DNMT3A: variants seen among roughly 807,000 people sequenced by gnomAD.
The protein encoded by DNMT3A is DNA (cytosine-5)-methyltransferase 3A.
A neutral mutation model predicts 117.6 loss-of-function variants in DNMT3A; 267 were observed. That is an observed-to-expected ratio of 2.27 (90% confidence interval 2.05 to 2.51). DNMT3A has a LOEUF of 2.51. DNMT3A is among the 30% of genes most tolerant of loss of function. The pLI, the probability that DNMT3A is intolerant of heterozygous loss-of-function variation, is 0.00. For missense variants in DNMT3A, 1,029 were observed against 1,260.2 expected (o/e 0.82, Z 2.78); for synonymous variants, 432 against 474.8 (o/e 0.91, Z 1.17).
intron 1 of DNMT3A, among the ~76,000 whole-genome samples, chr2:25,325,669 C>T (rs2034759147): frequency 6.6e-6 from 1 of 152,150 alleles, no homozygotes; most frequent in South Asian, 2.1e-4. Flanking sequence ...TTGGCTTTCT[C>T]GAACTCCTTA....
In DNMT3A at chr2:25,266,924, T is replaced by C. The variant is rs1573388162; in HGVS notation, c.639+8017A>G. Among the ~76,000 whole-genome samples the C allele has an allele frequency of 3.9e-5, 6 of 152,330 alleles. No individual in the cohort carries two copies. In the South Asian group the frequency reaches 1.2e-3, roughly 32 times the overall value. ...CTAGGCCTTTTTCTTTCTAGGTATC[T>C]GTCTTAGAGAAACAGATGCACAAAG... On this transcript the variant is annotated intron_variant, in intron 6 of 22. Transcript: ENST00000321117.
intron 19 of DNMT3A, 22 bp from the exon 20 acceptor site, chr2:25,239,237 G>T: frequency 6.2e-7 from 1 of 1,610,508 alleles, no homozygotes. Context: ...GAGACGGTTT[G>T]AAGATGAGCC....
chr2:25,242,049 A>AC, intron 16 of DNMT3A: 1 of 299,970 alleles, frequency 3.3e-6, no homozygotes, highest in South Asian at 4.1e-5. Flanking sequence ...GTCCTTCCAT[A>AC]CCCTCTTATC....
chr2:25,274,823 A>C, intron 6 of DNMT3A, 118 bp downstream of exon 6: 1 of 1,425,386 alleles, frequency 7.0e-7, no homozygotes, highest in African/African-American at 1.4e-5. Flanking sequence ...TCATGACTAG[A>C]GATTAAGAGG....
intron 18 of DNMT3A, 74 bp downstream of exon 18, chr2:25,240,566 C>T (rs1673890124): frequency 1.2e-6 from 2 of 1,600,516 alleles, no homozygotes; most frequent in Admixed American, 3.4e-5. Context: ...TGTCCCAGGG[C>T]AGAAATATCC....
intron 1 of DNMT3A, among the ~76,000 whole-genome samples, chr2:25,316,506 C>T (rs1342311741): frequency 2.0e-5 from 3 of 152,222 alleles, no homozygotes; most frequent in Non-Finnish European, 2.9e-5. Flanking sequence ...CACCTAAAAT[C>T]CTCCAGTATG....
chr2:25,247,503 A>G lies in DNMT3A; in HGVS notation c.1014+88T>C. 6.4e-7 allele frequency: 1 copy of G among 1,555,132 alleles called. No homozygotes were observed. Among genetic ancestry groups the G allele is most frequent in the South Asian group, 1.2e-5 (1 of 82,318 alleles). ...GAGCAGAACCCACTTCCATCACCCCAATTCCAGACTGCCCCCAGCCAAAAC... is the reference window on the plus strand; with the variant it reads ...GAGCAGAACCCACTTCCATCACCCCGATTCCAGACTGCCCCCAGCCAAAAC... On this transcript the variant is annotated intron_variant, in intron 8 of 22. Transcript: ENST00000321117. The surrounding 1 kb of genome is among the most constrained non-coding windows in gnomAD (Gnocchi z 5.6).
chr2:25,284,527 A>T (rs773919101), intron 3 of DNMT3A, among the ~76,000 whole-genome samples: 1 of 151,692 alleles, frequency 6.6e-6, no homozygotes, highest in Non-Finnish European at 1.5e-5. Flanking sequence ...CATGCCTGTC[A>T]TCTCAGCTAT....
intron 6 of DNMT3A, among the ~76,000 whole-genome samples, chr2:25,271,381 A>AT (rs1341714204): frequency 6.6e-6 from 1 of 152,166 alleles, no homozygotes; most frequent in Non-Finnish European, 1.5e-5. Context: ...AACAGGCCTG[A>AT]TAGCAACAGC....
chr2:25,238,892 AAG>A (rs1284421220), intron 20 of DNMT3A, among the ~76,000 whole-genome samples: 2 of 152,228 alleles, frequency 1.3e-5, no homozygotes, highest in Non-Finnish European at 2.9e-5. Flanking sequence ...CTTTGGTATA[AAG>A]AGAGTACTTT....
intron 3 of DNMT3A, among the ~76,000 whole-genome samples, chr2:25,297,359 C>A (rs1207719587): frequency 6.6e-6 from 1 of 152,152 alleles, no homozygotes; most frequent in East Asian, 1.9e-4. Flanking sequence ...TAGAACACAT[C>A]CAGACCACGA....
chr2:25,229,467 T>C lies in DNMT3A; in HGVS notation c.*4812A>G, dbSNP rs1672788486. On this transcript the variant is annotated 3_prime_UTR_variant, in exon 23 of 23. Coordinates refer to ENST00000321117, the MANE Select transcript of DNMT3A (RefSeq NM_022552.5). ...AGAGGACAACTCCAGGGTCGCTCTCTAGTCTCCAGCACTGAGAGCAGGCAG... is the reference window on the plus strand; with the variant it reads ...AGAGGACAACTCCAGGGTCGCTCTCCAGTCTCCAGCACTGAGAGCAGGCAG... The C allele has an allele frequency of 6.6e-6, 1 of 152,262 alleles. No homozygotes were observed. The highest frequency in any genetic ancestry group is 1.5e-5 in the Non-Finnish European group (1 of 68,060). 9.4% of individuals were successfully genotyped at this position (152,262 alleles called of 1,614,324 possible). A position where few individuals can be genotyped will look rare whatever the true frequency, so the allele number is the denominator to read the frequency against.
rs1257975054 is a variant in DNMT3A at position 25,339,969 on chromosome 2, G to A, written c.-178+1857C>T. Among the ~76,000 whole-genome samples, 1 of 152,256 alleles carries A rather than the reference G, an allele frequency of 6.6e-6. No individual in the cohort carries two copies. Among genetic ancestry groups the A allele is most frequent in the African/African-American group, 2.4e-5 (1 of 41,468 alleles). ...GGCGGGTTCAGCCGCTGGCAGCCTA[G>A]GGTGAAACATGAAGACTGAGCAGGC... On this transcript the variant is annotated intron_variant, in intron 1 of 22. Coordinates refer to ENST00000321117, the MANE Select transcript of DNMT3A (RefSeq NM_022552.5). The surrounding 1 kb of genome is among the most constrained non-coding windows in gnomAD (Gnocchi z 4.9).
At position 25,247,933 on chromosome 2, in the gene DNMT3A, G is replaced by A; in HGVS notation, c.855+104C>T. 4 of 1,547,784 alleles carry A rather than the reference G, an allele frequency of 2.6e-6. No homozygotes were observed. The highest frequency in any genetic ancestry group is 3.5e-6 in the Non-Finnish European group (4 of 1,144,454). On this transcript the variant is annotated intron_variant, in intron 7 of 22. Coordinates refer to ENST00000321117, the MANE Select transcript of DNMT3A (RefSeq NM_022552.5). The surrounding 1 kb of genome is among the most constrained non-coding windows in gnomAD (Gnocchi z 5.6). ...AGAGGCCCGGGGTCAGGTGGAGAGA[G>A]CGAGCGGCCCGTGGGAGATGGAGAG... is the stretch of plus-strand genomic sequence containing the variant.
intron 19 of DNMT3A, among the ~76,000 whole-genome samples, chr2:25,239,826 G>A (rs527478615): frequency 2.6e-5 from 4 of 152,328 alleles, no homozygotes; most frequent in African/African-American, 4.8e-5. Context: ...CTCTGCACGC[G>A]GCTCAGACTT....
Position 25,281,373 on chromosome 2 carries a change from G to T in DNMT3A, c.448+1068C>A. On this transcript the variant is annotated intron_variant, in intron 4 of 22. Coordinates refer to ENST00000321117, the MANE Select transcript of DNMT3A (RefSeq NM_022552.5). This position sits in a 1 kb window ranked among gnomAD's most constrained non-coding sequence, Gnocchi z 4.8. ...AGGAGTAAATAAAACAACTAATACA[G>T]ATTCCCTCTGTAGTGTTCTGCACAT... The T allele has an allele frequency of 1.1e-6, 1 of 917,826 alleles. No individual in the cohort carries two copies. The highest frequency in any genetic ancestry group is 1.3e-6 in the Non-Finnish European group (1 of 758,298). 56.9% of individuals were successfully genotyped at this position (917,826 alleles called of 1,614,324 possible).
At chr2:25,275,414 A>ACCCC in intron 5 of DNMT3A, 86 bp downstream of exon 5, 1 of 710,722 alleles carries the variant, frequency 1.4e-6, no homozygotes, top group South Asian at 2.0e-5. Flanking sequence ...GGAGGGGCCC[A>ACCCC]CCCTCCGCCC....
chr2:25,272,803 C>CTTTTTT (rs1217338234), intron 6 of DNMT3A, among the ~76,000 whole-genome samples: 1 of 130,698 alleles, frequency 7.7e-6, no homozygotes, highest in African/African-American at 2.8e-5. Flanking sequence ...TGCACTTTCT[C>CTTTTTT]TTTTTTTTTT....
At chr2:25,328,084 C>T (rs1379912504) in intron 1 of DNMT3A, among the ~76,000 whole-genome samples, 2 of 152,160 alleles carry the variant, frequency 1.3e-5, no homozygotes, top group Non-Finnish European at 2.9e-5. Flanking sequence ...ACACATGGCT[C>T]CCTCTATGAA....
Sources: gnomAD v4.1 joint callset for allele counts (sites outside exome capture counted in the v4.1 genomes callset) on GRCh38, gnomAD v4.1.1 for gene constraint, Gnocchi (gnomAD v3.1) non-coding constraint, MANE v1.5 for transcripts, NCBI Gene and HGNC (gene_info 2026-07-23, HGNC 2026-07-21) for gene names.